Variants in PRMT9 observed in about 807,000 individuals in gnomAD.
PRMT9 encodes the protein protein arginine methyltransferase 9, also known as protein arginine N-methyltransferase 9.
A neutral mutation model predicts 83.2 loss-of-function variants in PRMT9; 59 were observed. The observed-to-expected ratio is 0.71, with a 90% CI of 0.57 to 0.88. PRMT9 has a LOEUF of 0.88. Ranked by LOEUF, PRMT9 falls within the 40% of genes least tolerant of loss-of-function variation. PRMT9 has a pLI of 0.00. For missense variants in PRMT9, 947 were observed against 1,021.9 expected (o/e 0.93, Z 1.00); for synonymous variants, 333 against 353.2 (o/e 0.94, Z 0.64).
At chr4:147,654,637 A>C in intron 8 of PRMT9, 71 bp from the exon 9 acceptor site, 12 of 921,342 alleles carry the variant, frequency 1.3e-5, no homozygotes, top group Non-Finnish European at 2.0e-5. Context: ...AAACATCTCC[A>C]TCCTCCATCT....
intron 9 of PRMT9, among the ~76,000 whole-genome samples, chr4:147,649,479 C>G (rs1733954179): frequency 6.6e-6 from 1 of 151,944 alleles, no homozygotes; most frequent in Non-Finnish European, 1.5e-5. Context: ...TTTAAACTAG[C>G]ATGAGTGAAT....
intron 9 of PRMT9, among the ~76,000 whole-genome samples, chr4:147,643,928 A>G (rs929860652): frequency 6.6e-6 from 1 of 152,178 alleles, no homozygotes; most frequent in Non-Finnish European, 1.5e-5. Flanking sequence ...GGAGGTCCAC[A>G]TTGCAGTGAC....
Position 147,638,328 on chromosome 4 carries a change from CT to C in PRMT9, c.*203del. On this transcript the variant is annotated 3_prime_UTR_variant, in exon 12 of 12. Coordinates refer to ENST00000322396, the MANE Select transcript of PRMT9 (RefSeq NM_138364.4). Reference sequence around the variant, plus strand: ...TAATTTAAAAAACTAGTGATGTATCCTTTTCCAGAAAGCAAATCTGCAGCAG... The same window carrying C: ...TAATTTAAAAAACTAGTGATGTATCCTTTCCAGAAAGCAAATCTGCAGCAG... 1.7e-6 allele frequency: 1 copy of C among 581,414 alleles called. No individual in the cohort carries two copies. The highest frequency in any genetic ancestry group is 3.0e-6 in the Non-Finnish European group (1 of 328,502). 36.0% of individuals were successfully genotyped at this position (581,414 alleles called of 1,614,324 possible).
In PRMT9 at chr4:147,674,147, C is replaced by G. The variant is rs191688859; in HGVS notation, c.339-273G>C. ...TACTAATGTATAGCAGAAGCTCTCA[C>G]AGTCATCCTCCATTTAGCCAACTCC... On this transcript the variant is annotated intron_variant, in intron 2 of 11. Transcript: ENST00000322396. Among the ~76,000 whole-genome samples, 211 of 152,294 alleles carry G rather than the reference C, an allele frequency of 1.4e-3. 3 individuals carry two copies. The highest frequency in any genetic ancestry group is 0.01 in the Middle Eastern group (3 of 294).
chr4:147,675,742 T>C (rs1578936883), intron 2 of PRMT9, among the ~76,000 whole-genome samples: 1 of 152,330 alleles, frequency 6.6e-6, no homozygotes, highest in Non-Finnish European at 1.5e-5. Context: ...AACGTATCAG[T>C]GAAACATAAG....
At position 147,654,225 on chromosome 4, in the gene PRMT9, C is replaced by A. The variant is rs1734323962; in HGVS notation, c.1672G>T (p.Asp558Tyr). ...CTCATCTCATTCTGACAGTGAGTAT[C>A]CATGGTCTGATACAGTTTCTCTGGA... Reference protein sequence around the residue: ...LTPEKLYQTMDTHCQNEMSSG... With the variant: ...LTPEKLYQTMYTHCQNEMSSG... Residue 558 changes from aspartate (D) to tyrosine (Y), a missense_variant, in exon 9 of 12, where the codon GAT becomes TAT. Asp to Tyr is a radical substitution (Grantham distance 160, BLOSUM62 -3). Coordinates refer to ENST00000322396, the MANE Select transcript of PRMT9 (RefSeq NM_138364.4). 1.2e-6 allele frequency: 2 copies of A among 1,614,114 alleles called. No individual in the cohort carries two copies. Among genetic ancestry groups the A allele is most frequent in the Non-Finnish European group, 8.5e-7 (1 of 1,179,964 alleles).
chr4:147,680,536 T>C (rs188164578), intron 1 of PRMT9, 65 bp from the exon 2 acceptor site: 21 of 1,223,980 alleles, frequency 1.7e-5, no homozygotes, highest in Non-Finnish European at 2.4e-5. Flanking sequence ...ATATACATCA[T>C]TAGTTGAAGA....
intron 6 of PRMT9, 192 bp from the exon 7 acceptor site, chr4:147,661,230 G>T (rs1734927571): frequency 1.1e-5 from 5 of 448,470 alleles, no homozygotes; most frequent in African/African-American, 2.1e-5. Context: ...CTATAAATAG[G>T]TCTATAATAA....
chr4:147,659,325 C>T (rs1404468432), intron 7 of PRMT9, among the ~76,000 whole-genome samples: 4 of 151,384 alleles, frequency 2.6e-5, no homozygotes, highest in South Asian at 4.2e-4. Flanking sequence ...CACTTGAACC[C>T]GAAAAGTGGA....
chr4:147,682,018 C>A (rs1736501999), intron 1 of PRMT9, among the ~76,000 whole-genome samples: 1 of 151,780 alleles, frequency 6.6e-6, no homozygotes, highest in Non-Finnish European at 1.5e-5. Flanking sequence ...TTTATTTTTT[C>A]TTTTTGAGAT....
In PRMT9 at chr4:147,638,757, TAAAG is replaced by T; in HGVS notation, c.2323-14_2323-11del. 1 of 1,591,852 alleles carries T rather than the reference TAAAG, an allele frequency of 6.3e-7. No individual in the cohort carries two copies. Among genetic ancestry groups the T allele is most frequent in the Non-Finnish European group, 8.6e-7 (1 of 1,161,974 alleles). ...ATTTACAAACGTATACCTATGAAAA[TAAAG>T]AAATTAGGAAAATATCAGAGTGCAT... On this transcript the variant is annotated splice_polypyrimidine_tract_variant and intron_variant, in intron 11 of 11. Transcript: ENST00000322396.
intron 8 of PRMT9, among the ~76,000 whole-genome samples, chr4:147,654,904 ATC>A (rs1418164210): frequency 6.6e-6 from 1 of 152,190 alleles, no homozygotes; most frequent in Admixed American, 6.5e-5. Flanking sequence ...AGGGGACTCT[ATC>A]ATCTTTGGTA....
rs1578893282 is a variant in PRMT9 at position 147,653,881 on chromosome 4, C to T, written c.2016G>A (p.Gln672=). Residue 672 remains glutamine, a synonymous_variant, in exon 9 of 12, where the codon CAG becomes CAA. Transcript: ENST00000322396. The stretch of plus-strand genomic sequence containing the variant: ...ATATTGCAGCTTTTTCCATTATTTC[C>T]TGCTGAATGAGCCCAGATGGCTCAA... The part of the protein sequence containing the change: ...DVIEPSGLIQ[Q]EIMEKAAISR... 1 of 1,613,526 alleles carries T rather than the reference C, an allele frequency of 6.2e-7. No individual in the cohort carries two copies. The highest frequency in any genetic ancestry group is 8.5e-7 in the Non-Finnish European group (1 of 1,179,826).
chr4:147,658,012 TATTTC>T, intron 7 of PRMT9, 37 bp from the exon 8 acceptor site: 1 of 1,337,162 alleles, frequency 7.5e-7, no homozygotes, highest in Non-Finnish European at 1.1e-6. Context: ...CGGTTTTATA[TATTTC>T]ATATATACTT....
At chr4:147,652,812 G>C (rs182118878) in intron 9 of PRMT9, among the ~76,000 whole-genome samples, 5 of 151,896 alleles carry the variant, frequency 3.3e-5, no homozygotes, top group Admixed American at 2.0e-4. Context: ...TACCAAGTTT[G>C]AAACAATGTT....
rs1183427801 is a variant in PRMT9, at chr4:147,663,666, A to G, written c.954-2628T>C. Among the ~76,000 whole-genome samples the G allele has an allele frequency of 5.3e-5, 8 of 152,016 alleles. No individual in the cohort carries two copies. The East Asian group carries it at 1.4e-3, about 26-fold the overall frequency. On this transcript the variant is annotated intron_variant, in intron 6 of 11. Coordinates refer to ENST00000322396, the MANE Select transcript of PRMT9 (RefSeq NM_138364.4). ...AAGGCGTGAGTCACTGCGCCCAGCC[A>G]GACAATTTCTTGCTAATGTATTATA...
intron 2 of PRMT9, among the ~76,000 whole-genome samples, chr4:147,675,755 T>C (rs1412427424): frequency 1.3e-5 from 2 of 152,208 alleles, no homozygotes; most frequent in Non-Finnish European, 1.5e-5. Context: ...AACATAAGAA[T>C]GCCAGAATGC....
rs1734900240 is a variant in PRMT9 at position 147,660,868 on chromosome 4, G to C, written c.1124C>G (p.Thr375Arg). ...CACCTGAAGGTTGTTGAAATCTACT[G>C]TCATAATTTCAAAGCACTCTGTCAA... is the stretch of plus-strand genomic sequence containing the variant. The part of the protein sequence containing the change: ...LALTECFEIM[T>R]VDFNNLQELK... The change falls in exon 7 of 12, where the codon ACA (threonine) becomes AGA (arginine). Residue 375 changes from threonine to arginine, a missense_variant. By Grantham distance (71) the Thr-to-Arg change is moderately conservative (BLOSUM62 -1). Transcript: ENST00000322396. 1 of 1,612,650 alleles carries C rather than the reference G, an allele frequency of 6.2e-7. No individual in the cohort carries two copies. The highest frequency in any genetic ancestry group is 8.5e-7 in the Non-Finnish European group (1 of 1,178,972).
chr4:147,654,921 A>G (rs1734379383), intron 8 of PRMT9, among the ~76,000 whole-genome samples: 1 of 152,204 alleles, frequency 6.6e-6, no homozygotes, highest in Non-Finnish European at 1.5e-5. Context: ...TTGGTAATAA[A>G]GGCTAACAAC....
Sources: allele counts gnomAD v4.1 joint callset (sites outside exome capture counted in the v4.1 genomes callset), GRCh38; gene constraint gnomAD v4.1.1; transcripts MANE v1.5; gene names NCBI Gene and HGNC (gene_info 2026-07-23, HGNC 2026-07-21).